Variants in ZNF516 observed in about 807,000 individuals in gnomAD.
The protein encoded by ZNF516 is zinc finger protein 516.
Under a neutral mutation model 79.7 loss-of-function variants are expected in ZNF516, and 19 were observed. That is an observed-to-expected ratio of 0.24 (90% CI 0.17 to 0.35). The LOEUF is 0.35. ZNF516 is among the 10% of genes least tolerant of loss of function. The pLI is 1.00. For missense variants in ZNF516, 1,678 were observed against 1,679.5 expected (o/e 1.00, Z 0.02); for synonymous variants, 877 against 739.5 (o/e 1.19, Z -3.02).
chr18:76,484,491 G>T (rs935125207), intron 1 of ZNF516, among the ~76,000 whole-genome samples: 1 of 152,036 alleles, frequency 6.6e-6, no homozygotes, highest in African/African-American at 2.4e-5. Context: ...CTAAAATGGC[G>T]GCCGCCCTAA....
intron 1 of ZNF516, chr18:76,491,048 G>A (rs1465784808): frequency 5.4e-5 from 53 of 985,138 alleles, no homozygotes; most frequent in Non-Finnish European, 5.8e-5. Flanking sequence ...GCTCGCGGGC[G>A]CAGGACCGGT....
intron 1 of ZNF516, among the ~76,000 whole-genome samples, chr18:76,471,421 T>C (rs1283690898): frequency 6.6e-6 from 1 of 152,162 alleles, no homozygotes; most frequent in African/African-American, 2.4e-5. Context: ...CTCATTTCTC[T>C]GGTCAGACAT....
Position 76,407,926 on chromosome 18 carries a change from G to A in ZNF516, c.1811-27623C>T, listed in dbSNP as rs535468680. ...TTCCCTGATGTGTCTGAGGGTCCCC[G>A]GTCCACAGGCTGGCCCACTGCCGGC... On this transcript the variant is annotated intron_variant, in intron 3 of 6. Coordinates refer to ENST00000443185, the MANE Select transcript of ZNF516 (RefSeq NM_014643.4). Among the ~76,000 whole-genome samples the A allele has an allele frequency of 1.7e-3, 260 of 152,308 alleles. 1 individual carries two copies. The highest frequency in any genetic ancestry group is 0.01 in the Middle Eastern group (3 of 294).
At chr18:76,381,157 G>T (rs956647479) in intron 3 of ZNF516, among the ~76,000 whole-genome samples, 5 of 152,176 alleles carry the variant, frequency 3.3e-5, no homozygotes, top group East Asian at 1.9e-4. Flanking sequence ...CGTGAGACAG[G>T]GAGAAACACA....
chr18:76,480,121 G>A (rs1391096124), intron 1 of ZNF516, among the ~76,000 whole-genome samples: 1 of 149,488 alleles, frequency 6.7e-6, no homozygotes, highest in Non-Finnish European at 1.5e-5. Flanking sequence ...GGATGGGCTG[G>A]GAAGGTAAAA....
chr18:76,448,005 A>G lies in ZNF516; in HGVS notation c.-157-4794T>C, dbSNP rs1192629343. On this transcript the variant is annotated intron_variant, in intron 2 of 6. Coordinates refer to ENST00000443185, the MANE Select transcript of ZNF516 (RefSeq NM_014643.4). Reference sequence around the variant, plus strand: ...AATAAATTTTTTTATTTCATTTTGAAAAACTTAGGTAACAATCACATTTAT... The same window carrying G: ...AATAAATTTTTTTATTTCATTTTGAGAAACTTAGGTAACAATCACATTTAT... Among the ~76,000 whole-genome samples the G allele has an allele frequency of 4.6e-5, 7 of 152,274 alleles. No homozygotes were observed. The East Asian group carries it at 7.7e-4, about 17-fold the overall frequency.
chr18:76,435,173 C>T (rs936058967), intron 3 of ZNF516, among the ~76,000 whole-genome samples: 22 of 137,010 alleles, frequency 1.6e-4, no homozygotes, highest in Admixed American at 6.6e-4. Context: ...ATTTTCCTGG[C>T]AAACCAAAAT....
At chr18:76,436,903 AC>A (rs2075746151) in intron 3 of ZNF516, among the ~76,000 whole-genome samples, 1 of 152,030 alleles carries the variant, frequency 6.6e-6, no homozygotes, top group South Asian at 2.1e-4. Flanking sequence ...CCCCATGTCT[AC>A]CAAAAAAATA....
rs750881976 is a variant in ZNF516 at position 76,379,159 on chromosome 18, T to A, written c.2955A>T (p.Pro985=). Residue 985 remains proline (P), a synonymous_variant, in exon 4 of 7, where the codon CCA becomes CCT. Coordinates refer to ENST00000443185, the MANE Select transcript of ZNF516 (RefSeq NM_014643.4). ...KAKFSAQPQG[P]PPAKGEGGAP... ...CGCCCCCTTCGCCCTTTGCAGGAGG[T>A]GGACCCTGAGGCTGAGCACTGAATT... The A allele has an allele frequency of 2.5e-6, 4 of 1,612,818 alleles. No individual in the cohort carries two copies. In the Admixed American group the frequency reaches 6.7e-5, roughly 27 times the overall value.
chr18:76,470,879 T>TG (rs1208680338), intron 1 of ZNF516, among the ~76,000 whole-genome samples: 2 of 152,038 alleles, frequency 1.3e-5, no homozygotes, highest in Non-Finnish European at 2.9e-5. Context: ...TAGCCTGGCA[T>TG]GGTGGCAGGC....
chr18:76,443,847 G>T (rs939281636), intron 2 of ZNF516, among the ~76,000 whole-genome samples: 5 of 152,216 alleles, frequency 3.3e-5, no homozygotes, highest in African/African-American at 1.2e-4. Context: ...TCCTAGTGAG[G>T]CTGGGTCTGC....
intron 1 of ZNF516, chr18:76,490,987 C>T (rs1915149463): frequency 1.0e-6 from 1 of 985,302 alleles, no homozygotes; most frequent in Admixed American, 6.1e-5. Flanking sequence ...AGCAGCCCCT[C>T]GCGAGGCGCC....
Position 76,451,979 on chromosome 18 carries a change from C to A in ZNF516, c.-157-8768G>T, listed in dbSNP as rs1053393806. Among the ~76,000 whole-genome samples the A allele has an allele frequency of 6.6e-6, 1 of 152,282 alleles. No homozygotes were observed. Among genetic ancestry groups the A allele is most frequent in the East Asian group, 1.9e-4 (1 of 5,182 alleles). ...TTCACTATTGGGAGAGTAAGTACGG[C>A]CGATGACAGGCCTGGAGGCGGCTGC... On this transcript the variant is annotated intron_variant, in intron 2 of 6. Coordinates refer to ENST00000443185, the MANE Select transcript of ZNF516 (RefSeq NM_014643.4). The surrounding 1 kb of genome is among the most constrained non-coding windows in gnomAD (Gnocchi z 6.0).
At chr18:76,436,078 G>A (rs2075729798) in intron 3 of ZNF516, among the ~76,000 whole-genome samples, 1 of 152,246 alleles carries the variant, frequency 6.6e-6, no homozygotes, top group Admixed American at 6.5e-5. Context: ...TATGCAAGAT[G>A]AGCCTGGGGC....
At position 76,442,968 on chromosome 18, in the gene ZNF516, G is replaced by C. The variant is rs370925663; in HGVS notation, c.87C>G (p.Asp29Glu). 14 of 1,607,274 alleles carry C rather than the reference G, an allele frequency of 8.7e-6. No homozygotes were observed. The African/African-American group carries it at 1.2e-4, about 14-fold the overall frequency. Residue 29 changes from aspartate to glutamate, a missense_variant, in exon 3 of 7, where the codon GAC (aspartate) becomes GAG (glutamate). This residue lies in a region of ZNF516 where 62 missense variants were observed against 58.9 expected (regional missense o/e 1.05). Coordinates refer to ENST00000443185, the MANE Select transcript of ZNF516 (RefSeq NM_014643.4). Reference protein sequence around the residue: ...RAGRGHEVDGDKATCHTCCIC... With the variant: ...RAGRGHEVDGEKATCHTCCIC... ...TGCAGCAGGTGTGGCAGGTAGCCTT[G>C]TCCCCATCCACCTCGTGGCCCCGGC...
rs749345781 is a variant in ZNF516 at position 76,379,086 on chromosome 18, G to A, written c.3028C>T (p.Leu1010=). The A allele has an allele frequency of 1.2e-6, 2 of 1,611,140 alleles. No homozygotes were observed. The highest frequency in any genetic ancestry group is 1.7e-6 in the Non-Finnish European group (2 of 1,179,638). ...GCAGCACAGGTGGCCAGAGTCCTCA[G>A]CTCCTGGGCTGCCTTCGAGGGGGGC... ...REPPSKAAQE[L]RTLATCAAGS... is the part of the protein sequence containing the mutation. The change falls in exon 4 of 7, where the codon CTG becomes TTG. Residue 1010 remains leucine (L), a synonymous_variant. Coordinates refer to ENST00000443185, the MANE Select transcript of ZNF516 (RefSeq NM_014643.4).
Position 76,425,282 on chromosome 18 carries a change from C to A in ZNF516, c.1810+15963G>T, listed in dbSNP as rs572059258. ...CCCCGTGGAATCTACAACTAATACGCCAGTAATTCTTCAACAGTGCAAGCA... is the reference window on the plus strand; with the variant it reads ...CCCCGTGGAATCTACAACTAATACGACAGTAATTCTTCAACAGTGCAAGCA... On this transcript the variant is annotated intron_variant, in intron 3 of 6. Transcript: ENST00000443185. 3.3e-5 allele frequency among the ~76,000 whole-genome samples: 5 copies of A among 152,328 alleles called. No individual in the cohort carries two copies. The East Asian group carries it at 9.6e-4, about 29-fold the overall frequency.
At chr18:76,430,224 T>C (rs536902854) in intron 3 of ZNF516, among the ~76,000 whole-genome samples, 12 of 152,190 alleles carry the variant, frequency 7.9e-5, no homozygotes, top group Non-Finnish European at 1.2e-4. Flanking sequence ...TTTGAAAAAG[T>C]AGAACCCAGT....
intron 2 of ZNF516, among the ~76,000 whole-genome samples, chr18:76,443,517 T>C (rs1434285357): frequency 6.6e-6 from 1 of 152,056 alleles, no homozygotes; most frequent in Non-Finnish European, 1.5e-5. Context: ...CCAGAGTGTG[T>C]AGGAGTGTGA....
Sources: gnomAD v4.1 joint callset for allele counts (sites outside exome capture counted in the v4.1 genomes callset) on GRCh38, gnomAD v4.1.1 for gene constraint, gnomAD v4.1.1 regional missense constraint, Gnocchi (gnomAD v3.1) non-coding constraint, MANE v1.5 for transcripts, NCBI Gene and HGNC (gene_info 2026-07-23, HGNC 2026-07-21) for gene names.